ECM2: variants seen among roughly 807,000 people sequenced by gnomAD.
ECM2 encodes the protein extracellular matrix protein 2, female organ and adipocyte specific.
In ECM2, 57 loss-of-function variants were observed where a neutral mutation model predicts 67.5. That is an observed-to-expected ratio of 0.84 (90% CI 0.68 to 1.05). The LOEUF (loss-of-function observed/expected upper bound fraction) is 1.05, where lower values mean the gene tolerates loss of function less well. ECM2 is among the 50% of genes least tolerant of loss of function. The probability of loss-of-function intolerance (pLI) is 0.00; values close to 1 mark genes in which losing one functional copy is unlikely to be tolerated. For missense variants in ECM2, 741 were observed against 822.8 expected (o/e 0.90, Z 1.22); for synonymous variants, 258 against 294.5 (o/e 0.88, Z 1.27).
chr9:92,508,080 C>T (rs976591433), intron 6 of ECM2, among the ~76,000 whole-genome samples: 40 of 152,260 alleles, frequency 2.6e-4, no homozygotes, highest in African/African-American at 8.4e-4. Context: ...AGAGAGATGA[C>T]GGGAGAGCAG....
chr9:92,499,696 C>T (rs1427765545), intron 9 of ECM2, among the ~76,000 whole-genome samples: 1 of 152,216 alleles, frequency 6.6e-6, no homozygotes, highest in Non-Finnish European at 1.5e-5. Context: ...AAACCCCCAT[C>T]TCTTCCTCCA....
At chr9:92,543,409 T>G in the ECM2 span, among the ~76,000 whole-genome samples, 34 of 140,556 alleles carry the variant, frequency 2.4e-4, no homozygotes, top group African/African-American at 9.0e-4. Context: ...GAGGTGGAGG[T>G]TGCAGTGAGC....
the ECM2 span, among the ~76,000 whole-genome samples, chr9:92,543,226 C>T: frequency 4.9e-3 from 751 of 152,228 alleles, 3 homozygotes; most frequent in Non-Finnish European, 7.5e-3. Context: ...AATCCAAGCA[C>T]TTTGGGAGGC....
intron 2 of ECM2, among the ~76,000 whole-genome samples, chr9:92,522,263 T>C (rs936277266): frequency 1.3e-5 from 2 of 152,050 alleles, no homozygotes; most frequent in East Asian, 3.9e-4. Flanking sequence ...ATTTTTTGTA[T>C]TTTTAGTAGA....
chr9:92,533,918 A>G (rs943658259), intron 1 of ECM2, among the ~76,000 whole-genome samples: 1 of 152,026 alleles, frequency 6.6e-6, no homozygotes, highest in Non-Finnish European at 1.5e-5. Flanking sequence ...CTTTCTATAG[A>G]AATTTTTTTC....
the ECM2 span, among the ~76,000 whole-genome samples, chr9:92,546,804 CAAT>C: frequency 1.3e-5 from 2 of 152,012 alleles, no homozygotes; most frequent in Non-Finnish European, 1.5e-5. Flanking sequence ...TTTAAAAAAA[CAAT>C]AAAATTGTCA....
chr9:92,514,569 C>G (rs1394112182), intron 4 of ECM2, 62 bp downstream of exon 4: 2 of 1,518,096 alleles, frequency 1.3e-6, no homozygotes, highest in African/African-American at 2.8e-5. Flanking sequence ...GCCACCGTGC[C>G]CAGCTGCTAA....
At chr9:92,511,699 T>C (rs1847354929) in intron 5 of ECM2, among the ~76,000 whole-genome samples, 1 of 152,202 alleles carries the variant, frequency 6.6e-6, no homozygotes, top group East Asian at 1.9e-4. Flanking sequence ...CAGAAAATAC[T>C]TCAGATGCTA....
chr9:92,538,851 A>T (rs557441060), upstream of ECM2, among the ~76,000 whole-genome samples: 1 of 152,332 alleles, frequency 6.6e-6, no homozygotes, highest in South Asian at 2.1e-4. Context: ...GCCTATGAAG[A>T]TTTAGACTCT....
In ECM2 at chr9:92,522,817, G is replaced by T; in HGVS notation, c.50C>A (p.Thr17Asn). 6.2e-7 allele frequency: 1 copy of T among 1,611,106 alleles called. No individual in the cohort carries two copies. Among genetic ancestry groups the T allele is most frequent in the Non-Finnish European group, 8.5e-7 (1 of 1,179,372 alleles). ...FCFFLLIIFQTDFGKNEEIPR... is the reference protein window; with the variant it reads ...FCFFLLIIFQNDFGKNEEIPR... ...AATTTCTTCATTTTTTCCAAAGTCA[G>T]TTTGAAAAATGATAAGCAGAAAAAA... Residue 17 changes from threonine to asparagine, a missense_variant, in exon 2 of 10, where the codon ACT becomes AAT. Thr to Asn is a moderately conservative substitution (Grantham distance 65). Coordinates refer to ENST00000344604, the MANE Select transcript of ECM2 (RefSeq NM_001393.4).
chr9:92,500,594 T>C, intron 9 of ECM2, 133 bp downstream of exon 9: 1 of 833,554 alleles, frequency 1.2e-6, no homozygotes, highest in Non-Finnish European at 1.8e-6. Context: ...CATTTGCCAA[T>C]CTTGTTTAAT....
intron 9 of ECM2, among the ~76,000 whole-genome samples, chr9:92,497,216 A>G (rs1490060157): frequency 6.6e-6 from 1 of 152,244 alleles, no homozygotes; most frequent in Non-Finnish European, 1.5e-5. Context: ...ACACATGTCT[A>G]TCAATACGGA....
chr9:92,532,527 T>G (rs1482124142), intron 1 of ECM2, among the ~76,000 whole-genome samples: 2 of 152,138 alleles, frequency 1.3e-5, no homozygotes, highest in Non-Finnish European at 2.9e-5. Context: ...TTGTATTTTT[T>G]GTTTGTCTAT....
chr9:92,556,155 T>C, the ECM2 span, among the ~76,000 whole-genome samples: 1 of 152,232 alleles, frequency 6.6e-6, no homozygotes, highest in Non-Finnish European at 1.5e-5. Flanking sequence ...CTAATGCTCA[T>C]TCAGGAGCAG....
chr9:92,536,459 CA>C, upstream of ECM2: 2 of 148,046 alleles, frequency 1.4e-5, no homozygotes, highest in South Asian at 2.1e-4. Context: ...TCTGCCCACC[CA>C]CCTCGATCTC....
At position 92,533,328 on chromosome 9, in the gene ECM2, AATATATATAT is replaced by A. The variant is rs202147064; in HGVS notation, c.-28+2595_-28+2604del. On this transcript the variant is annotated intron_variant, in intron 1 of 9. Transcript: ENST00000344604. Reference sequence around the variant, plus strand: ...CAAAAAAAAAAAAAAAAAAAAAAAAAATATATATATATATATATATATATATATATGCTTT... The same window carrying A: ...CAAAAAAAAAAAAAAAAAAAAAAAAAATATATATATATATATATATGCTTT... 7.1e-3 allele frequency among the ~76,000 whole-genome samples: 272 copies of A among 38,322 alleles called. 16 individuals carry two copies. The highest frequency in any genetic ancestry group is 0.058 in the East Asian group (78 of 1,348). 25.1% of individuals were successfully genotyped at this position (38,322 alleles called of 152,430 possible). A position where few individuals can be genotyped will look rare whatever the true frequency, so the allele number is the denominator to read the frequency against.
At chr9:92,540,124 A>G (rs1849282558), upstream of ECM2, among the ~76,000 whole-genome samples, 1 of 152,216 alleles carries the variant, frequency 6.6e-6, no homozygotes, top group Non-Finnish European at 1.5e-5. Context: ...TTTGATACCA[A>G]CCTTCCCATT....
the ECM2 span, among the ~76,000 whole-genome samples, chr9:92,556,455 GT>G: frequency 6.6e-6 from 1 of 152,064 alleles, no homozygotes; most frequent in Non-Finnish European, 1.5e-5. Context: ...CTATTATTGT[GT>G]TGCTGTCTGT....
chr9:92,538,971 CA>C (rs1849252641), upstream of ECM2: 1 of 152,038 alleles, frequency 6.6e-6, no homozygotes, highest in Non-Finnish European at 1.5e-5. Context: ...AATTGTCTAC[CA>C]TATGACAGCT....
Sources: gnomAD v4.1 joint callset for allele counts (sites outside exome capture counted in the v4.1 genomes callset) on GRCh38, gnomAD v4.1.1 for gene constraint, MANE v1.5 for transcripts, NCBI Gene and HGNC (gene_info 2026-07-23, HGNC 2026-07-21) for gene names.